Variants in ZNF717 observed in about 807,000 individuals in gnomAD.
ZNF717 encodes zinc finger protein 717.
A neutral mutation model predicts 13.8 loss-of-function variants in ZNF717; 9 were observed. The observed-to-expected ratio is 0.65, with a 90% CI of 0.39 to 1.14. The LOEUF (loss-of-function observed/expected upper bound fraction) is 1.14, where lower values mean the gene tolerates loss of function less well. Among genes scored for constraint, ZNF717 ranks in the 50% most tolerant of loss-of-function variants. The probability of loss-of-function intolerance (pLI) is 0.01; values close to 1 mark genes in which losing one functional copy is unlikely to be tolerated. For missense variants in ZNF717, 1,040 were observed against 1,080.7 expected (o/e 0.96, Z 0.53); for synonymous variants, 327 against 364.1 (o/e 0.90, Z 1.16).
chr3:75,747,940 C>T (rs1941331326), intron 2 of ZNF717, among the ~76,000 whole-genome samples: 1 of 151,922 alleles, frequency 6.6e-6, no homozygotes, highest in Admixed American at 6.6e-5. Flanking sequence ...ATTGATAGAC[C>T]ACTAGCAAGA....
chr3:75,700,465 C>T (rs1937670105), intron 6 of ZNF717, among the ~76,000 whole-genome samples: 3 of 151,702 alleles, frequency 2.0e-5, no homozygotes, highest in South Asian at 4.1e-4. Flanking sequence ...CATCGCAAAA[C>T]ACCGTAATAG....
chr3:75,739,399 T>C, intron 4 of ZNF717, 54 bp from the exon 5 acceptor site: 2 of 1,366,064 alleles, frequency 1.5e-6, no homozygotes, highest in East Asian at 2.6e-5. Context: ...TCTTACAGAA[T>C]GCTTGTGTAA....
intron 5 of ZNF717, among the ~76,000 whole-genome samples, chr3:75,714,802 G>A (rs1316843952): frequency 6.6e-6 from 1 of 152,022 alleles, no homozygotes; most frequent in Non-Finnish European, 1.5e-5. Context: ...AAGCATTTAG[G>A]TTAATTATTG....
chr3:75,715,683 C>T (rs1334296001), intron 5 of ZNF717, among the ~76,000 whole-genome samples: 1 of 152,062 alleles, frequency 6.6e-6, no homozygotes, highest in African/African-American at 2.4e-5. Context: ...ATTTATAAAG[C>T]CATTAATTTG....
Position 75,785,546 on chromosome 3 carries a change from C to T in ZNF717, c.-165G>A, listed in dbSNP as rs1317287954. 1 of 152,526 alleles carries T rather than the reference C, an allele frequency of 6.6e-6. No homozygotes were observed. Among genetic ancestry groups the T allele is most frequent in the Non-Finnish European group, 1.5e-5 (1 of 68,266 alleles). 9.4% of individuals were successfully genotyped at this position (152,526 alleles called of 1,614,324 possible). On this transcript the variant is annotated 5_prime_UTR_variant, in exon 1 of 5. Coordinates refer to ENST00000652011, the MANE Select transcript of ZNF717 (RefSeq NM_001290208.3). ...ACCAAGCCCCAGGCTGGCCCAGCTA[C>T]AAGACCGCCTCTGGGTGCCGCACTT...
At chr3:75,778,241 C>G (rs1319680402) in intron 2 of ZNF717, among the ~76,000 whole-genome samples, 2 of 148,742 alleles carry the variant, frequency 1.3e-5, no homozygotes, top group African/African-American at 2.5e-5. Flanking sequence ...ATGGAGCTGA[C>G]GTGCTAAAAC....
downstream of ZNF717, among the ~76,000 whole-genome samples, chr3:75,729,724 G>A (rs1382163398): frequency 1.3e-5 from 2 of 151,894 alleles, no homozygotes; most frequent in Non-Finnish European, 2.9e-5. Context: ...TTCCTTGTGG[G>A]AAAAATATGA....
chr3:75,741,158 G>C (rs1940374552), intron 4 of ZNF717, 118 bp downstream of exon 4: 2 of 678,758 alleles, frequency 2.9e-6, no homozygotes, highest in Non-Finnish European at 5.3e-6. Context: ...ATTTAATGCA[G>C]ACCAACAGCC....
rs1940011920 is a variant in ZNF717, at chr3:75,739,226, T to C, written c.397A>G (p.Thr133Ala). 12 of 1,452,044 alleles carry C rather than the reference T, an allele frequency of 8.3e-6. No homozygotes were observed. Among genetic ancestry groups the C allele is most frequent in the Non-Finnish European group, 1.1e-5 (12 of 1,095,544 alleles). 89.9% of individuals were successfully genotyped at this position (1,452,044 alleles called of 1,614,324 possible). A position where few individuals can be genotyped will look rare whatever the true frequency, so the allele number is the denominator to read the frequency against. The change falls in exon 5 of 5, where the codon ACA (threonine) becomes GCA (alanine). Residue 133 changes from threonine (T) to alanine (A), a missense_variant. This residue lies in a region of ZNF717 where 123 missense variants were observed against 177.8 expected (regional missense o/e 0.69). Transcript: ENST00000652011. ...STQERVELGK[T>A]FNLNSNHVLN... ...ACATGGTTTGAGTTCAAATTAAATG[T>C]TTTTCCTAATTCAACTCTCTCCTGA...
intron 2 of ZNF717, among the ~76,000 whole-genome samples, chr3:75,752,475 A>G (rs1257426367): frequency 6.7e-6 from 1 of 149,664 alleles, no homozygotes; most frequent in Non-Finnish European, 1.5e-5. Flanking sequence ...AGGATTCCAG[A>G]GCACTCCTGC....
chr3:75,765,823 C>T (rs541646990), intron 2 of ZNF717, among the ~76,000 whole-genome samples: 8 of 152,312 alleles, frequency 5.3e-5, no homozygotes, highest in Admixed American at 1.3e-4. Context: ...AAAAGACAGA[C>T]GAAGGCCAGG....
chr3:75,705,839 A>T (rs1182729580), downstream of ZNF717, among the ~76,000 whole-genome samples: 1 of 152,310 alleles, frequency 6.6e-6, no homozygotes, highest in African/African-American at 2.4e-5. Context: ...GGTTCTGGGA[A>T]AATTCATAGA....
downstream of ZNF717, among the ~76,000 whole-genome samples, chr3:75,705,757 T>C (rs1317057636): frequency 6.6e-6 from 1 of 152,312 alleles, no homozygotes; most frequent in Non-Finnish European, 1.5e-5. Context: ...ATAGGGACAC[T>C]GTATAGGTAT....
intron 2 of ZNF717, among the ~76,000 whole-genome samples, chr3:75,760,839 A>C (rs1942943570): frequency 6.6e-6 from 1 of 151,944 alleles, no homozygotes; most frequent in Non-Finnish European, 1.5e-5. Context: ...AGAAAAAAGA[A>C]AGGAAAAAAA....
intron 4 of ZNF717, among the ~76,000 whole-genome samples, chr3:75,739,899 T>C (rs1940147422): frequency 6.6e-6 from 1 of 152,076 alleles, no homozygotes; most frequent in Non-Finnish European, 1.5e-5. Flanking sequence ...GTCTGGAGGT[T>C]TTCCAAGCAG....
chr3:75,759,559 A>G (rs1942796452), intron 2 of ZNF717, among the ~76,000 whole-genome samples: 2 of 152,156 alleles, frequency 1.3e-5, no homozygotes, highest in South Asian at 2.1e-4. Context: ...GGTGTGAGCC[A>G]CCGCGCCCAG....
intron 2 of ZNF717, among the ~76,000 whole-genome samples, chr3:75,752,330 T>A (rs1376778556): frequency 1.4e-5 from 2 of 141,972 alleles, no homozygotes; most frequent in East Asian, 4.1e-4. Flanking sequence ...TCACATAGGA[T>A]TCCAGAACAC....
intron 2 of ZNF717, 92 bp from the exon 3 acceptor site, chr3:75,741,828 G>GT: frequency 6.7e-7 from 1 of 1,500,094 alleles, no homozygotes; most frequent in African/African-American, 1.4e-5. Context: ...CTCCTCCCAG[G>GT]TGAAGTGCAC....
At chr3:75,749,778 T>C (rs1436134916) in intron 2 of ZNF717, among the ~76,000 whole-genome samples, 2 of 151,524 alleles carry the variant, frequency 1.3e-5, no homozygotes, top group Non-Finnish European at 2.9e-5. Context: ...GGAGTCTGAA[T>C]GTTGATACCT....
Sources: allele counts gnomAD v4.1 joint callset (sites outside exome capture counted in the v4.1 genomes callset), GRCh38; gene constraint gnomAD v4.1.1; regional missense constraint gnomAD v4.1.1; transcripts MANE v1.5; gene names NCBI Gene and HGNC (gene_info 2026-07-23, HGNC 2026-07-21).